GRK7: variants seen among roughly 807,000 people sequenced by gnomAD.
GRK7 encodes rhodopsin kinase GRK7.
A neutral mutation model predicts 34.1 loss-of-function variants in GRK7; 24 were observed. The ratio of observed to expected loss-of-function variants is 0.70; its 90% CI spans 0.51 to 0.99. GRK7 has a LOEUF of 0.99. Ranked by LOEUF, GRK7 falls within the 50% of genes least tolerant of loss-of-function variation. The pLI is 0.00. For missense variants in GRK7, 644 were observed against 707.3 expected (o/e 0.91, Z 1.02); for synonymous variants, 256 against 279.4 (o/e 0.92, Z 0.84).
intron 5 of GRK7, among the ~76,000 whole-genome samples, chr3:141,808,196 G>C (rs1430001667): frequency 6.6e-6 from 1 of 152,136 alleles, no homozygotes; most frequent in Non-Finnish European, 1.5e-5. Context: ...TGGTTGTATA[G>C]AATATTTCAA....
chr3:141,800,622 A>G (rs1279157675), intron 4 of GRK7, among the ~76,000 whole-genome samples: 4 of 152,222 alleles, frequency 2.6e-5, no homozygotes, highest in African/African-American at 9.6e-5. Flanking sequence ...AAAAATATGT[A>G]AATACATTTG....
At chr3:141,801,335 G>A (rs377029867) in intron 4 of GRK7, among the ~76,000 whole-genome samples, 14,279 of 111,076 alleles carry the variant, frequency 0.13, 800 homozygotes, top group Non-Finnish European at 0.16. Context: ...AAAAAAAAAA[G>A]AAATGCAAAG....
intron 5 of GRK7, among the ~76,000 whole-genome samples, chr3:141,815,041 C>T (rs1711136540): frequency 6.6e-6 from 1 of 151,438 alleles, no homozygotes; most frequent in Non-Finnish European, 1.5e-5. Context: ...TCTCTTGCCT[C>T]AGCCTCCTGA....
At chr3:141,756,184 T>C in the GRK7 span, among the ~76,000 whole-genome samples, 2 of 152,022 alleles carry the variant, frequency 1.3e-5, no homozygotes, top group Non-Finnish European at 2.9e-5. Flanking sequence ...TGGTGGTGCA[T>C]GCCTGTGATC....
chr3:141,811,043 G>A (rs904533602), intron 5 of GRK7, among the ~76,000 whole-genome samples: 4 of 152,014 alleles, frequency 2.6e-5, no homozygotes, highest in Admixed American at 6.6e-5. Flanking sequence ...GGCCGGGCGC[G>A]GTGTCTCATA....
chr3:141,768,251 C>G (rs2084599145), intron 1 of GRK7, among the ~76,000 whole-genome samples: 1 of 151,670 alleles, frequency 6.6e-6, no homozygotes, highest in East Asian at 1.9e-4. Context: ...CGCCCTCTAA[C>G]CTGGATCCTT....
At chr3:141,806,555 T>G (rs1227122973) in intron 4 of GRK7, among the ~76,000 whole-genome samples, 2 of 151,468 alleles carry the variant, frequency 1.3e-5, no homozygotes, top group East Asian at 3.9e-4. Flanking sequence ...ACAACGATAC[T>G]CCATCTCAAA....
chr3:141,805,015 T>A (rs1460173931), intron 4 of GRK7, among the ~76,000 whole-genome samples: 1 of 144,608 alleles, frequency 6.9e-6, no homozygotes, highest in Non-Finnish European at 1.5e-5. Flanking sequence ...CACACACTCA[T>A]ACACCCACAC....
intron 4 of GRK7, among the ~76,000 whole-genome samples, chr3:141,796,010 A>G (rs1710868090): frequency 6.6e-6 from 1 of 152,184 alleles, no homozygotes; most frequent in South Asian, 2.1e-4. Flanking sequence ...ATCTAATCTA[A>G]TATAGACACA....
rs954695259 is a variant in GRK7 at position 141,778,175 on chromosome 3, A to G, written c.-110A>G. On this transcript the variant is annotated 5_prime_UTR_variant, in exon 3 of 6. Coordinates refer to ENST00000682958, the MANE Select transcript of GRK7 (RefSeq NM_139209.3). The surrounding 1 kb of genome is among the most constrained non-coding windows in gnomAD (Gnocchi z 4.1). ...CCTCCACGGGTCCCACCCACAGGCC[A>G]CAGGACTCACTGTAAATCCCTTGGA... 24 of 1,380,508 alleles carry G rather than the reference A, an allele frequency of 1.7e-5. 1 individual carries two copies. In the Admixed American group the frequency reaches 3.4e-4, roughly 20 times the overall value. The allele number at this position is 1,380,508 out of a possible 1,614,324, so 85.5% of individuals were successfully genotyped here.
chr3:141,798,650 C>G (rs572189617), intron 4 of GRK7, among the ~76,000 whole-genome samples: 15 of 152,282 alleles, frequency 9.9e-5, no homozygotes, highest in Non-Finnish European at 2.2e-4. Context: ...TGGACCTGCT[C>G]CACGCTGCTT....
chr3:141,813,884 G>A lies in GRK7; in HGVS notation c.1326-2830G>A, dbSNP rs545583731. On this transcript the variant is annotated intron_variant, in intron 5 of 5. Coordinates refer to ENST00000682958, the MANE Select transcript of GRK7 (RefSeq NM_139209.3). ...AAATACAGGACTTAGAGACAGGGCT[G>A]TTGTACTGGTTGAATGTAATAATAT... 7.2e-5 allele frequency among the ~76,000 whole-genome samples: 11 copies of A among 152,336 alleles called. No homozygotes were observed. In the East Asian group the frequency reaches 1.7e-3, roughly 24 times the overall value.
rs770768575 is a variant in GRK7, at chr3:141,764,966, AGG to A, written c.-985_-984del. ...CTTCCCCCTCCCCTGATTTCTCACC[AGG>A]GTTACTGCAGCAGCCTCCAGACTGG... On this transcript the variant is annotated 5_prime_UTR_variant, in exon 1 of 6. Coordinates refer to ENST00000682958, the MANE Select transcript of GRK7 (RefSeq NM_139209.3). Among the ~76,000 whole-genome samples, 16 of 152,264 alleles carry A rather than the reference AGG, an allele frequency of 1.1e-4. No homozygotes were observed. The highest frequency in any genetic ancestry group is 3.4e-3 in the Middle Eastern group (1 of 294).
chr3:141,784,048 A>G (rs1004385000), intron 4 of GRK7, among the ~76,000 whole-genome samples: 5 of 152,138 alleles, frequency 3.3e-5, no homozygotes, highest in Admixed American at 1.3e-4. Context: ...GACATGTATC[A>G]CACTAATTGT....
chr3:141,807,878 GC>G lies in GRK7; in HGVS notation c.1285del (p.Leu429SerfsTer11). The G allele has an allele frequency of 6.2e-7, 1 of 1,606,026 alleles. No homozygotes were observed. Among genetic ancestry groups the G allele is most frequent in the South Asian group, 1.1e-5 (1 of 90,026 alleles). On this transcript the variant is annotated frameshift_variant, in exon 5 of 6. Transcript: ENST00000682958. LOFTEE classifies it high-confidence loss of function. ...FTEEAKDICRLFLAKKPEQRL... is the reference protein window; with the variant it reads ...FTEEAKDICRXFLAKKPEQRL... The stretch of plus-strand genomic sequence containing the variant: ...CAGAGGAAGCAAAAGATATTTGCAG[GC>G]TCTTCTTGGCTAAGAAACCAGAGCA...
At chr3:141,812,306 C>T (rs1711100843) in intron 5 of GRK7, among the ~76,000 whole-genome samples, 1 of 152,236 alleles carries the variant, frequency 6.6e-6, no homozygotes, top group Non-Finnish European at 1.5e-5. Context: ...CAGCAACAGC[C>T]TCTCCTATTT....
intron 5 of GRK7, among the ~76,000 whole-genome samples, chr3:141,813,557 T>C (rs138145645): frequency 2.5e-4 from 38 of 152,284 alleles, no homozygotes; most frequent in African/African-American, 7.7e-4. Context: ...TTTTCTTTCT[T>C]TCAGTTGGTG....
chr3:141,798,531 G>A (rs1440067097), intron 4 of GRK7, among the ~76,000 whole-genome samples: 1 of 152,156 alleles, frequency 6.6e-6, no homozygotes, highest in Non-Finnish European at 1.5e-5. Context: ...TGGGCATGGC[G>A]GTTCTGGTCA....
Position 141,817,718 on chromosome 3 carries a change from A to T in GRK7, c.*668A>T, listed in dbSNP as rs1711168629. The T allele has an allele frequency of 6.6e-6, 1 of 152,240 alleles. No individual in the cohort carries two copies. The allele number at this position is 152,240 out of a possible 1,614,324, so 9.4% of individuals were successfully genotyped here. A position where few individuals can be genotyped will look rare whatever the true frequency, so the allele number is the denominator to read the frequency against. Reference sequence around the variant, plus strand: ...TAAATTTAGTTGAGTCCTTTAAGTAATATGGTACAAATTGCTTCAACTTGC... The same window carrying T: ...TAAATTTAGTTGAGTCCTTTAAGTATTATGGTACAAATTGCTTCAACTTGC... On this transcript the variant is annotated 3_prime_UTR_variant, in exon 6 of 6. Transcript: ENST00000682958.
Sources: allele counts gnomAD v4.1 joint callset (sites outside exome capture counted in the v4.1 genomes callset), GRCh38; gene constraint gnomAD v4.1.1; non-coding constraint Gnocchi (gnomAD v3.1); transcripts MANE v1.5; gene names NCBI Gene and HGNC (gene_info 2026-07-23, HGNC 2026-07-21).